The following NRXN3 variants were observed in gnomAD, a reference collection of about 807,000 sequenced individuals.
The protein encoded by NRXN3 is neurexin III.
NRXN3 carries 32 observed loss-of-function variants against 137.6 expected under a neutral mutation model. The ratio of observed to expected loss-of-function variants is 0.23; its 90% CI spans 0.18 to 0.31. The LOEUF is 0.31. NRXN3 is among the 10% of genes least tolerant of loss of function. NRXN3 has a pLI of 1.00. For missense variants in NRXN3, 1,574 were observed against 2,062.5 expected, an observed-to-expected ratio of 0.76 and a Z score of 4.59; for synonymous variants, 798 against 784.5, an observed-to-expected ratio of 1.02 and a Z score of -0.29.
intron 16 of NRXN3, among the ~76,000 whole-genome samples, chr14:79,534,101 C>T (rs573086880): frequency 6.6e-6 from 1 of 152,250 alleles, no homozygotes; most frequent in South Asian, 2.1e-4. Flanking sequence ...GAAATGTGGC[C>T]TGTTGGAGCT....
intron 17 of NRXN3, among the ~76,000 whole-genome samples, chr14:79,690,859 G>GCTATA (rs2098713889): frequency 6.6e-6 from 1 of 152,086 alleles, no homozygotes; most frequent in Non-Finnish European, 1.5e-5. Context: ...TTGGTCTGAT[G>GCTATA]CTATATGCAA....
chr14:79,290,152 G>A (rs771737237), intron 15 of NRXN3, among the ~76,000 whole-genome samples: 4 of 152,142 alleles, frequency 2.6e-5, no homozygotes, highest in African/African-American at 7.2e-5. Context: ...GGTGAAAATT[G>A]TGGTTTTTGC....
intron 10 of NRXN3, among the ~76,000 whole-genome samples, chr14:78,817,528 T>C (rs1356081516): frequency 6.6e-6 from 1 of 152,136 alleles, no homozygotes; most frequent in Non-Finnish European, 1.5e-5. Context: ...TTTATAAAGA[T>C]AAGAGGATTA....
intron 15 of NRXN3, among the ~76,000 whole-genome samples, chr14:79,320,204 C>T (rs2089728517): frequency 6.6e-6 from 1 of 152,160 alleles, no homozygotes; most frequent in Non-Finnish European, 1.5e-5. Flanking sequence ...AAAAACACGT[C>T]TATGAAATGC....
At chr14:78,432,845 G>C (rs965893869) in intron 4 of NRXN3, among the ~76,000 whole-genome samples, 2 of 152,204 alleles carry the variant, frequency 1.3e-5, no homozygotes, top group Admixed American at 1.3e-4. Flanking sequence ...TGAAGGGCTT[G>C]CAGTCCATGA....
At chr14:78,418,068 A>G (rs1186340404) in intron 4 of NRXN3, among the ~76,000 whole-genome samples, 2 of 152,116 alleles carry the variant, frequency 1.3e-5, no homozygotes, top group African/African-American at 2.4e-5. Context: ...GAGGTTGCAT[A>G]TTTAGGTTGG....
At chr14:79,346,715 G>A (rs896881027) in intron 15 of NRXN3, among the ~76,000 whole-genome samples, 1 of 152,058 alleles carries the variant, frequency 6.6e-6, no homozygotes, top group South Asian at 2.1e-4. Context: ...TGTTTTTCCT[G>A]TATGCTTAGG....
rs1326822778 is a variant in NRXN3, at chr14:78,242,697, G to A, written c.-397G>A. ...GGGGGTCCGCTGGGAGGAGTGCATC[G>A]CTGAAGGCTTCTTCCTACTCTCCTG... On this transcript the variant is annotated 5_prime_UTR_variant, in exon 2 of 21. Transcript: ENST00000335750. 2.2e-5 allele frequency: 4 copies of A among 177,830 alleles called. No homozygotes were observed. The highest frequency in any genetic ancestry group is 3.5e-5 in the Non-Finnish European group (3 of 85,110). 11.0% of individuals were successfully genotyped at this position (177,830 alleles called of 1,614,324 possible).
At position 79,862,029 on chromosome 14, in the gene NRXN3, G is replaced by T; in HGVS notation, c.*65G>T. The T allele has an allele frequency of 7.6e-7, 1 of 1,308,596 alleles. No homozygotes were observed. The allele number at this position is 1,308,596 out of a possible 1,614,324, so 81.1% of individuals were successfully genotyped here. A position where few individuals can be genotyped will look rare whatever the true frequency, so the allele number is the denominator to read the frequency against. On this transcript the variant is annotated 3_prime_UTR_variant, in exon 21 of 21. Transcript: ENST00000335750. ...TTCTATCCACGCCTATGAATCTTTGGACGGTGAGATCTCACAGATGTCAGA... is the reference window on the plus strand; with the variant it reads ...TTCTATCCACGCCTATGAATCTTTGTACGGTGAGATCTCACAGATGTCAGA...
At chr14:78,463,018 A>G (rs2094970694) in intron 4 of NRXN3, among the ~76,000 whole-genome samples, 1 of 151,970 alleles carries the variant, frequency 6.6e-6, no homozygotes, top group Non-Finnish European at 1.5e-5. Flanking sequence ...CACCTTTTGG[A>G]GTCTCTAATG....
chr14:79,707,603 G>A (rs918147972), intron 19 of NRXN3, among the ~76,000 whole-genome samples: 2 of 152,136 alleles, frequency 1.3e-5, no homozygotes, highest in African/African-American at 4.8e-5. Context: ...TATTATTGCT[G>A]CTGTCTTAAA....
intron 1 of NRXN3, among the ~76,000 whole-genome samples, chr14:78,241,046 G>A (rs534610621): frequency 1.1e-4 from 16 of 152,282 alleles, no homozygotes; most frequent in East Asian, 3.9e-4. Context: ...ACCAGACTGC[G>A]TGCTGGTGCA....
intron 15 of NRXN3, among the ~76,000 whole-genome samples, chr14:79,316,185 T>G (rs2088627324): frequency 6.6e-6 from 1 of 152,218 alleles, no homozygotes; most frequent in African/African-American, 2.4e-5. Flanking sequence ...ATTACATTAA[T>G]CTACATTGTA....
chr14:79,316,729 C>CCTCTCTCTCTCTCTCTCTCTCTCT (rs35515937), intron 15 of NRXN3, among the ~76,000 whole-genome samples: 7 of 138,012 alleles, frequency 5.1e-5, no homozygotes, highest in African/African-American at 2.0e-4. Flanking sequence ...CTGTCCTGTC[C>CCTCTCTCTCTCTCTCTCTCTCTCT]CTCTCTCTCT....
At chr14:79,054,231 A>G (rs1446063243) in intron 15 of NRXN3, among the ~76,000 whole-genome samples, 1 of 151,892 alleles carries the variant, frequency 6.6e-6, no homozygotes, top group African/African-American at 2.4e-5. Flanking sequence ...TAATGGGTGC[A>G]GCACACCAAC....
rs865776325 is a variant in NRXN3, at chr14:78,792,785, T to G, written c.2045-10835T>G. Among the ~76,000 whole-genome samples the G allele has an allele frequency of 4.6e-5, 7 of 152,240 alleles. No individual in the cohort carries two copies. The South Asian group carries it at 1.5e-3, about 32-fold the overall frequency. ...AATGTCTATAAAATTGAGCATAAAATCAAGTGGGACAAGAATTATCTGCAA... is the reference window on the plus strand; with the variant it reads ...AATGTCTATAAAATTGAGCATAAAAGCAAGTGGGACAAGAATTATCTGCAA... On this transcript the variant is annotated intron_variant, in intron 8 of 20. Transcript: ENST00000335750.
At chr14:78,218,177 G>A (rs1317178097) in intron 1 of NRXN3, among the ~76,000 whole-genome samples, 2 of 152,040 alleles carry the variant, frequency 1.3e-5, no homozygotes, top group East Asian at 3.8e-4. Flanking sequence ...GGGCAACATA[G>A]CAAGACCCTG....
At chr14:79,028,163 A>G (rs1434188502) in intron 15 of NRXN3, among the ~76,000 whole-genome samples, 1 of 152,154 alleles carries the variant, frequency 6.6e-6, no homozygotes, top group African/African-American at 2.4e-5. Flanking sequence ...TGGCAGAAAC[A>G]GGACCAGAAC....
At chr14:78,426,588 A>C (rs1166868657) in intron 4 of NRXN3, among the ~76,000 whole-genome samples, 1 of 152,202 alleles carries the variant, frequency 6.6e-6, no homozygotes, top group Non-Finnish European at 1.5e-5. Flanking sequence ...GTCTTGATGA[A>C]GAGTGAAAAG....
Sources: allele counts gnomAD v4.1 joint callset (sites outside exome capture counted in the v4.1 genomes callset), GRCh38; gene constraint gnomAD v4.1.1; transcripts MANE v1.5; gene names NCBI Gene and HGNC (gene_info 2026-07-23, HGNC 2026-07-21).